Variants in AXDND1 observed in about 807,000 individuals in gnomAD.
The protein encoded by AXDND1 is axonemal dynein light chain domain containing 1.
Under a neutral mutation model 137.5 loss-of-function variants are expected in AXDND1, and 110 were observed. The observed-to-expected ratio is 0.80, with a 90% CI of 0.69 to 0.94. The LOEUF (loss-of-function observed/expected upper bound fraction) is 0.94. AXDND1 is among the 40% of genes least tolerant of loss of function. AXDND1 has a pLI of 0.00. For synonymous variants in AXDND1, 414 were observed against 399.7 expected, an observed-to-expected ratio of 1.04 and a Z score of -0.43; for missense variants, 1,191 against 1,169.8, an observed-to-expected ratio of 1.02 and a Z score of -0.26.
At chr1:179,383,955 C>T (rs1283807517) in intron 8 of AXDND1, among the ~76,000 whole-genome samples, 2 of 152,090 alleles carry the variant, frequency 1.3e-5, no homozygotes, top group African/African-American at 2.4e-5. Context: ...AAACTCCTGA[C>T]CTCAAGTGAT....
intron 25 of AXDND1, among the ~76,000 whole-genome samples, chr1:179,542,544 T>C (rs991639224): frequency 6.6e-6 from 1 of 152,236 alleles, no homozygotes; most frequent in Non-Finnish European, 1.5e-5. Flanking sequence ...TCATGAATTT[T>C]TAAAATTTCA....
chr1:179,523,441 T>A (rs1314900763), intron 21 of AXDND1, among the ~76,000 whole-genome samples: 1 of 152,196 alleles, frequency 6.6e-6, no homozygotes, highest in Non-Finnish European at 1.5e-5. Flanking sequence ...GTTTGTGGTA[T>A]ATTCACAAAG....
intron 12 of AXDND1, among the ~76,000 whole-genome samples, chr1:179,423,493 T>G (rs976166543): frequency 2.0e-5 from 3 of 152,182 alleles, no homozygotes; most frequent in African/African-American, 7.2e-5. Flanking sequence ...TTTATCTTGT[T>G]TTATAACTCC....
At chr1:179,380,820 T>G (rs4255343) in intron 6 of AXDND1, among the ~76,000 whole-genome samples, 1 of 152,018 alleles carries the variant, frequency 6.6e-6, no homozygotes, top group Non-Finnish European at 1.5e-5. Context: ...GACATAAAAA[T>G]GTTGCAAAAA....
chr1:179,370,250 G>A (rs1667912273), intron 4 of AXDND1, among the ~76,000 whole-genome samples, 172 bp downstream of exon 4: 1 of 152,172 alleles, frequency 6.6e-6, no homozygotes, highest in Non-Finnish European at 1.5e-5. Context: ...ATCTTTTTGT[G>A]TGTGATTATT....
intron 18 of AXDND1, 113 bp from the exon 19 acceptor site, chr1:179,491,425 T>G (rs1373045928): frequency 1.4e-6 from 1 of 704,574 alleles, no homozygotes; most frequent in East Asian, 2.8e-5. Flanking sequence ...TTAAGAATTA[T>G]AATGTTGAAA....
chr1:179,407,342 C>T (rs1353798693), intron 11 of AXDND1, among the ~76,000 whole-genome samples: 3 of 151,886 alleles, frequency 2.0e-5, no homozygotes, highest in African/African-American at 7.3e-5. Flanking sequence ...ATTCCCCTGC[C>T]TCAGCCTCCC....
At chr1:179,488,660 T>C (rs912496106) in intron 18 of AXDND1, among the ~76,000 whole-genome samples, 15 of 111,558 alleles carry the variant, frequency 1.3e-4, no homozygotes, top group African/African-American at 6.2e-4. Context: ...TCTTTCTTTC[T>C]TTCTTTCTTT....
At chr1:179,448,600 C>T (rs73036715) in intron 16 of AXDND1, 27,073 of 278,180 alleles carry the variant, frequency 0.097, 1,552 homozygotes, top group African/African-American at 0.14. Context: ...CTCCTGGGCA[C>T]GCACACGCTG....
chr1:179,539,414 G>A (rs1188516968), intron 25 of AXDND1, among the ~76,000 whole-genome samples: 2 of 152,198 alleles, frequency 1.3e-5, no homozygotes, highest in African/African-American at 2.4e-5. Flanking sequence ...GCATTTGCTT[G>A]TCTGTAAAGG....
Position 179,497,532 on chromosome 1 carries a change from A to G in AXDND1, c.2388+4581A>G, listed in dbSNP as rs148523404. On this transcript the variant is annotated intron_variant, in intron 20 of 25. Coordinates refer to ENST00000367618, the MANE Select transcript of AXDND1 (RefSeq NM_144696.6). ...CAAAATAATAAGAGCCATCTATGAC[A>G]AACCGATAGCCAACATCGTACTGAA... 1.6e-3 allele frequency among the ~76,000 whole-genome samples: 248 copies of G among 152,350 alleles called. 2 individuals are homozygous for G. The highest frequency in any genetic ancestry group is 5.8e-3 in the African/African-American group (240 of 41,598).
At chr1:179,553,902 C>G (rs1242704773) in intron 25 of AXDND1, among the ~76,000 whole-genome samples, 1 of 147,050 alleles carries the variant, frequency 6.8e-6, no homozygotes, top group Non-Finnish European at 1.5e-5. Flanking sequence ...TTTGCCAACA[C>G]CCCTGGCTAA....
chr1:179,546,580 T>G (rs750328976), intron 25 of AXDND1, among the ~76,000 whole-genome samples: 1 of 152,150 alleles, frequency 6.6e-6, no homozygotes, highest in Non-Finnish European at 1.5e-5. Context: ...TGTACTTAGA[T>G]GTCCAGACCG....
chr1:179,541,478 T>C (rs1438635997), intron 25 of AXDND1, among the ~76,000 whole-genome samples: 1 of 141,250 alleles, frequency 7.1e-6, no homozygotes, highest in Non-Finnish European at 1.6e-5. Flanking sequence ...AATCCGTTTT[T>C]GTTTTTTTTT....
intron 18 of AXDND1, among the ~76,000 whole-genome samples, chr1:179,488,704 CTCTGTCTCTCTCTCTCTT>C (rs1156619669): frequency 8.8e-6 from 1 of 113,248 alleles, no homozygotes; most frequent in Non-Finnish European, 1.8e-5. Context: ...TCTTTCCTCT[CTCTGTCTCTCTCTCTCTT>C]TCTTTCTCTC....
chr1:179,486,408 A>G (rs1297813476), intron 18 of AXDND1, among the ~76,000 whole-genome samples: 20 of 152,226 alleles, frequency 1.3e-4, no homozygotes, highest in Admixed American at 1.2e-3. Flanking sequence ...AGCATATTTC[A>G]GGATATCATC....
rs2125613856 is a variant in AXDND1 at position 179,501,694 on chromosome 1, A to G, written c.2389-7602A>G. ...CACTGCATTCCAGCCTGGGCGACAG[A>G]GTGAGACTGTGTCTTAAAACAAAAC... is the stretch of plus-strand genomic sequence containing the variant. On this transcript the variant is annotated intron_variant, in intron 20 of 25. Transcript: ENST00000367618. Among the ~76,000 whole-genome samples, 3 of 152,306 alleles carry G rather than the reference A, an allele frequency of 2.0e-5. No homozygotes were observed. In the South Asian group the frequency reaches 6.2e-4, roughly 32 times the overall value.
At chr1:179,414,386 A>G (rs1307442983) in intron 12 of AXDND1, among the ~76,000 whole-genome samples, 1 of 151,680 alleles carries the variant, frequency 6.6e-6, no homozygotes, top group Non-Finnish European at 1.5e-5. Context: ...AATATTGTAT[A>G]GATGTCAGTT....
chr1:179,435,241 C>T (rs1351662927), intron 15 of AXDND1, among the ~76,000 whole-genome samples: 2 of 152,116 alleles, frequency 1.3e-5, no homozygotes, highest in Non-Finnish European at 2.9e-5. Flanking sequence ...TAGGAAAAAT[C>T]AATATTGCGA....
Sources: allele counts gnomAD v4.1 joint callset (sites outside exome capture counted in the v4.1 genomes callset), GRCh38; gene constraint gnomAD v4.1.1; transcripts MANE v1.5; gene names NCBI Gene and HGNC (gene_info 2026-07-23, HGNC 2026-07-21).